The following SEPTIN9 variants were observed in gnomAD, a reference collection of about 807,000 sequenced individuals.
SEPTIN9 encodes septin-9.
A neutral mutation model predicts 56.6 loss-of-function variants in SEPTIN9; 13 were observed. That is an observed-to-expected ratio of 0.23 (90% CI 0.15 to 0.37). The LOEUF is 0.37. Among genes scored for constraint, SEPTIN9 ranks in the 10% least tolerant of loss-of-function variants. The pLI is 1.00. For missense variants in SEPTIN9, 650 were observed against 823.1 expected (o/e 0.79, Z 2.57); for synonymous variants, 332 against 334.1 (o/e 0.99, Z 0.07).
Position 77,322,161 on chromosome 17 carries a change from G to A in SEPTIN9, c.76+14964G>A, listed in dbSNP as rs565479528. The stretch of plus-strand genomic sequence containing the variant: ...CAGATGGGTGACCAGCAGGGGATCT[G>A]AGAGCTGAGCAGAGAGGCGTGGGTT... On this transcript the variant is annotated intron_variant, in intron 2 of 11. Transcript: ENST00000427177. Among the ~76,000 whole-genome samples, 101 of 152,374 alleles carry A rather than the reference G, an allele frequency of 6.6e-4. 1 individual carries two copies. The highest frequency in any genetic ancestry group is 3.4e-4 in the Non-Finnish European group (23 of 68,044).
intron 3 of SEPTIN9, among the ~76,000 whole-genome samples, chr17:77,465,780 G>A (rs1249250965): frequency 6.6e-6 from 1 of 152,174 alleles, no homozygotes; most frequent in Non-Finnish European, 1.5e-5. Flanking sequence ...AGGCCTGGGT[G>A]GGTGAGCCAC....
intron 3 of SEPTIN9, among the ~76,000 whole-genome samples, chr17:77,430,060 A>G (rs2037069164): frequency 6.6e-6 from 1 of 152,064 alleles, no homozygotes; most frequent in African/African-American, 2.4e-5. Context: ...CCTGTGGAGT[A>G]GGCCTGTGTC....
Position 77,367,715 on chromosome 17 carries a change from C to T in SEPTIN9, c.77-34344C>T, listed in dbSNP as rs923586363. Among the ~76,000 whole-genome samples the T allele has an allele frequency of 5.3e-5, 8 of 152,052 alleles. No homozygotes were observed. In the East Asian group the frequency reaches 1.5e-3, roughly 29 times the overall value. On this transcript the variant is annotated intron_variant, in intron 2 of 11. Transcript: ENST00000427177. The surrounding 1 kb of genome is among the most constrained non-coding windows in gnomAD (Gnocchi z 4.5). ...CCTGTAATCCCAGCTACTCGGGAGG[C>T]TGAGGCAGGAGAATTGCTCCGATCT...
intron 3 of SEPTIN9, among the ~76,000 whole-genome samples, chr17:77,479,429 G>C (rs921948012): frequency 2.0e-5 from 3 of 152,238 alleles, no homozygotes; most frequent in African/African-American, 4.8e-5. Context: ...TGCTCTCTGC[G>C]TGCGTGCCTG....
chr17:77,432,531 G>A (rs2037184051), intron 3 of SEPTIN9, among the ~76,000 whole-genome samples: 1 of 152,236 alleles, frequency 6.6e-6, no homozygotes. Context: ...GCAATGTGAA[G>A]TTCTTGGAGA....
At chr17:77,466,137 T>C (rs2038715700) in intron 3 of SEPTIN9, among the ~76,000 whole-genome samples, 1 of 148,988 alleles carries the variant, frequency 6.7e-6, no homozygotes, top group Non-Finnish European at 1.5e-5. Flanking sequence ...TGTGTGCCCA[T>C]GAAAGTGCCC....
At chr17:77,466,640 A>G in intron 3 of SEPTIN9, 1 of 962,580 alleles carries the variant, frequency 1.0e-6, no homozygotes, top group Non-Finnish European at 1.2e-6. Flanking sequence ...GGCCAGGACC[A>G]GAAGGCACAC....
chr17:77,357,955 C>G (rs962113698), intron 2 of SEPTIN9, among the ~76,000 whole-genome samples: 1 of 152,198 alleles, frequency 6.6e-6, no homozygotes, highest in African/African-American at 2.4e-5. Flanking sequence ...GTTTTCATTC[C>G]TATGAAACGA....
chr17:77,414,278 A>G (rs750623815), intron 3 of SEPTIN9, among the ~76,000 whole-genome samples: 131 of 151,844 alleles, frequency 8.6e-4, no homozygotes, highest in Non-Finnish European at 1.4e-3. Flanking sequence ...GGGTTTCTCC[A>G]TGTTGAGGCT....
intron 3 of SEPTIN9, among the ~76,000 whole-genome samples, chr17:77,478,820 A>AT (rs57230060): frequency 6.6e-6 from 1 of 151,116 alleles, no homozygotes; most frequent in Non-Finnish European, 1.5e-5. Flanking sequence ...AAAAAAAAAA[A>AT]GGGTGGAACA....
intron 3 of SEPTIN9, among the ~76,000 whole-genome samples, chr17:77,418,287 G>T (rs937085502): frequency 5.3e-5 from 8 of 152,168 alleles, no homozygotes; most frequent in African/African-American, 1.9e-4. Context: ...GGCCGGAAAG[G>T]CAGCCCAGCC....
chr17:77,370,327 G>C (rs1019707317), intron 2 of SEPTIN9, among the ~76,000 whole-genome samples: 2 of 152,192 alleles, frequency 1.3e-5, no homozygotes, highest in Non-Finnish European at 2.9e-5. Flanking sequence ...GCCTGTGGCT[G>C]CATCACTCCG....
intron 2 of SEPTIN9, among the ~76,000 whole-genome samples, chr17:77,366,841 T>C (rs866981248): frequency 6.6e-6 from 1 of 152,166 alleles, no homozygotes; most frequent in African/African-American, 2.4e-5. Context: ...CGGGGAGCCA[T>C]GGAGCAGAGC....
rs562142911 is a variant in SEPTIN9, at chr17:77,363,346, G to A, written c.77-38713G>A. Among the ~76,000 whole-genome samples, 581 of 150,742 alleles carry A rather than the reference G, an allele frequency of 3.9e-3. 4 individuals carry two copies. Among genetic ancestry groups the A allele is most frequent in the African/African-American group, 0.013 (550 of 40,984 alleles). ...AAAGTGGGCCACCCAGAGGTGGGAA[G>A]GTGACTTCTGGCTCTCCAGGCCTTG... is the stretch of plus-strand genomic sequence containing the variant. On this transcript the variant is annotated intron_variant, in intron 2 of 11. Coordinates refer to ENST00000427177, the MANE Select transcript of SEPTIN9 (RefSeq NM_001113491.2).
chr17:77,454,128 C>G, intron 3 of SEPTIN9: 1 of 985,820 alleles, frequency 1.0e-6, no homozygotes, highest in African/African-American at 1.7e-5. Context: ...GGGGGCTCCT[C>G]CCCGCCGGCC....
At chr17:77,357,838 C>T (rs1187065275) in intron 2 of SEPTIN9, among the ~76,000 whole-genome samples, 1 of 152,210 alleles carries the variant, frequency 6.6e-6, no homozygotes, top group African/African-American at 2.4e-5. Flanking sequence ...GACCACTTCT[C>T]ACAAAGCCAG....
intron 4 of SEPTIN9, among the ~76,000 whole-genome samples, chr17:77,484,744 GGTGGTT>G (rs2039634308): frequency 1.4e-5 from 1 of 71,070 alleles, no homozygotes; most frequent in African/African-American, 8.8e-5. Flanking sequence ...TGGTGGTGGT[GGTGGTT>G]GTGATGGTGG....
At position 77,369,327 on chromosome 17, in the gene SEPTIN9, C is replaced by A. The variant is rs1453730841; in HGVS notation, c.77-32732C>A. Among the ~76,000 whole-genome samples, 1 of 152,192 alleles carries A rather than the reference C, an allele frequency of 6.6e-6. No individual in the cohort carries two copies. The highest frequency in any genetic ancestry group is 1.5e-5 in the Non-Finnish European group (1 of 68,038). On this transcript the variant is annotated intron_variant, in intron 2 of 11. Coordinates refer to ENST00000427177, the MANE Select transcript of SEPTIN9 (RefSeq NM_001113491.2). This position sits in a 1 kb window ranked among gnomAD's most constrained non-coding sequence, Gnocchi z 4.9. ...CAAATCGGGAAACTGAGTGTTGTTG[C>A]TTTTGCTGGCCCCAGGTGGCCGGTT...
intron 3 of SEPTIN9, among the ~76,000 whole-genome samples, chr17:77,452,033 C>G (rs1226471430): frequency 6.6e-6 from 1 of 152,198 alleles, no homozygotes; most frequent in African/African-American, 2.4e-5. Context: ...AAGCTCCCCG[C>G]GGCGCCGGCA....
Sources: gnomAD v4.1 joint callset for allele counts (sites outside exome capture counted in the v4.1 genomes callset) on GRCh38, gnomAD v4.1.1 for gene constraint, Gnocchi (gnomAD v3.1) non-coding constraint, MANE v1.5 for transcripts, NCBI Gene and HGNC (gene_info 2026-07-23, HGNC 2026-07-21) for gene names.